The following PDE4D variants were observed in gnomAD, a reference collection of about 807,000 sequenced individuals.
PDE4D encodes the protein phosphodiesterase 4D, also known as 3',5'-cyclic-AMP phosphodiesterase 4D.
In PDE4D, 24 loss-of-function variants were observed where a neutral mutation model predicts 87.4. The observed-to-expected ratio is 0.27, with a 90% CI of 0.20 to 0.39. The LOEUF (loss-of-function observed/expected upper bound fraction) is 0.39, where lower values mean the gene tolerates loss of function less well. Ranked by LOEUF, PDE4D falls within the 10% of genes least tolerant of loss-of-function variation. The pLI is 1.00. For synonymous variants in PDE4D, 384 were observed against 383.2 expected (o/e 1.00, Z -0.02); for missense variants, 714 against 1,041.0 (o/e 0.69, Z 4.32).
chr5:59,707,767 C>T (rs996424591), intron 1 of PDE4D, among the ~76,000 whole-genome samples: 4 of 151,992 alleles, frequency 2.6e-5, no homozygotes, highest in Non-Finnish European at 4.4e-5. Flanking sequence ...CATTCATCCA[C>T]GTCCCTGCAA....
intron 2 of PDE4D, among the ~76,000 whole-genome samples, chr5:60,107,715 A>G (rs2149349019): frequency 6.6e-6 from 1 of 152,362 alleles, no homozygotes; most frequent in Non-Finnish European, 1.5e-5. Flanking sequence ...TACACAAATC[A>G]ATAAATGTAA....
chr5:59,244,563 T>C (rs1344221733), intron 1 of PDE4D, among the ~76,000 whole-genome samples: 5 of 150,424 alleles, frequency 3.3e-5, no homozygotes, highest in Non-Finnish European at 7.4e-5. Flanking sequence ...TGTATACGTG[T>C]ACACACATAT....
intron 2 of PDE4D, among the ~76,000 whole-genome samples, chr5:59,206,814 C>T (rs991245914): frequency 9.2e-5 from 14 of 152,106 alleles, no homozygotes; most frequent in Admixed American, 6.6e-4. Context: ...TGGTGGAAAA[C>T]ACGTATTGGT....
chr5:60,000,142 G>A (rs1763893084), intron 2 of PDE4D, among the ~76,000 whole-genome samples: 1 of 152,004 alleles, frequency 6.6e-6, no homozygotes, highest in African/African-American at 2.4e-5. Context: ...AGAAGGAGAT[G>A]ATAGAAAGAG....
chr5:59,783,735 C>A (rs564050858), intron 1 of PDE4D, among the ~76,000 whole-genome samples: 1 of 152,234 alleles, frequency 6.6e-6, no homozygotes, highest in African/African-American at 2.4e-5. Context: ...TTTAATTGAT[C>A]CTGGAACATT....
intron 1 of PDE4D, among the ~76,000 whole-genome samples, chr5:59,481,778 C>T (rs2153656455): frequency 6.6e-6 from 1 of 151,936 alleles, no homozygotes; most frequent in South Asian, 2.1e-4. Flanking sequence ...TCATCTGGCT[C>T]TTCTCATTTC....
At chr5:59,981,463 C>T (rs1435070) in intron 3 of PDE4D, among the ~76,000 whole-genome samples, 108,982 of 152,076 alleles carry the variant, frequency 0.72, 39,376 homozygotes, top group East Asian at 0.97. Context: ...GCTTAGTATG[C>T]ATCTTCAAGA....
At chr5:60,212,766 A>G (rs897883115) in intron 1 of PDE4D, among the ~76,000 whole-genome samples, 3 of 152,200 alleles carry the variant, frequency 2.0e-5, no homozygotes, top group African/African-American at 7.2e-5. Context: ...CTTTAAGTTG[A>G]TTTTCTGTAA....
chr5:59,629,647 T>C (rs75461196), intron 1 of PDE4D, among the ~76,000 whole-genome samples: 260 of 152,314 alleles, frequency 1.7e-3, no homozygotes, highest in African/African-American at 5.7e-3. Context: ...TTTCTGTTGC[T>C]TAAGGCACCA....
intron 1 of PDE4D, among the ~76,000 whole-genome samples, chr5:60,364,258 T>C (rs1760333320): frequency 6.6e-6 from 1 of 152,140 alleles, no homozygotes; most frequent in Non-Finnish European, 1.5e-5. Flanking sequence ...TTTTCTGAAT[T>C]CTTACTCTGC....
intron 1 of PDE4D, among the ~76,000 whole-genome samples, chr5:59,270,243 A>G (rs933194373): frequency 6.6e-6 from 1 of 152,236 alleles, no homozygotes; most frequent in Non-Finnish European, 1.5e-5. Context: ...CAACTTTGAC[A>G]GTAGTCACAT....
At chr5:59,182,959 A>G (rs1224134893) in intron 4 of PDE4D, among the ~76,000 whole-genome samples, 1 of 152,222 alleles carries the variant, frequency 6.6e-6, no homozygotes, top group Non-Finnish European at 1.5e-5. Context: ...GCAGCAAATA[A>G]AAAGGGTGGC....
At chr5:59,386,544 G>GC (rs1302595836) in intron 1 of PDE4D, among the ~76,000 whole-genome samples, 4 of 86,646 alleles carry the variant, frequency 4.6e-5, no homozygotes, top group African/African-American at 1.4e-4. Context: ...CCTGGGCATG[G>GC]TGGCTCATGT....
intron 1 of PDE4D, among the ~76,000 whole-genome samples, chr5:59,456,297 C>T (rs887554597): frequency 3.9e-5 from 6 of 152,140 alleles, no homozygotes; most frequent in African/African-American, 1.4e-4. Flanking sequence ...GTGCTATTCT[C>T]CTGATAGTAA....
intron 6 of PDE4D, among the ~76,000 whole-genome samples, chr5:58,996,382 A>G (rs1172546830): frequency 1.3e-5 from 2 of 152,234 alleles, no homozygotes; most frequent in African/African-American, 4.8e-5. Flanking sequence ...AAACATTTTA[A>G]ACACACATTC....
At chr5:60,144,229 G>T (rs1780805505) in intron 2 of PDE4D, among the ~76,000 whole-genome samples, 1 of 152,182 alleles carries the variant, frequency 6.6e-6, no homozygotes, top group African/African-American at 2.4e-5. Context: ...CTCCATGTTT[G>T]CAGGAATGCT....
chr5:59,451,049 T>C (rs1455257163), intron 1 of PDE4D, among the ~76,000 whole-genome samples: 1 of 152,238 alleles, frequency 6.6e-6, no homozygotes, highest in African/African-American at 2.4e-5. Flanking sequence ...ATTCTCCCTT[T>C]GTACTTACAC....
chr5:59,063,511 T>A (rs1263229609), intron 5 of PDE4D: 2 of 152,214 alleles, frequency 1.3e-5, no homozygotes, highest in Admixed American at 1.3e-4. Context: ...CTTATTATAA[T>A]GCCTCTGGAA....
intron 1 of PDE4D, among the ~76,000 whole-genome samples, chr5:59,731,474 C>T (rs1006915944): frequency 6.6e-6 from 1 of 152,094 alleles, no homozygotes; most frequent in Non-Finnish European, 1.5e-5. Flanking sequence ...AGTTTGCTAC[C>T]TCCTGATATC....
Sources: gnomAD v4.1 joint callset for allele counts (sites outside exome capture counted in the v4.1 genomes callset) on GRCh38, gnomAD v4.1.1 for gene constraint, MANE v1.5 for transcripts, NCBI Gene and HGNC (gene_info 2026-07-23, HGNC 2026-07-21) for gene names.